SAXO1: variants seen among roughly 807,000 people sequenced by gnomAD.
SAXO1 encodes the protein 4930500O09Rik.
Under a neutral mutation model 17.5 loss-of-function variants are expected in SAXO1, and 21 were observed. The ratio of observed to expected loss-of-function variants is 1.20; its 90% CI spans 0.85 to 1.72. The LOEUF (loss-of-function observed/expected upper bound fraction) is 1.72. SAXO1 is among the 40% of genes most tolerant of loss of function. The pLI is 0.00. For missense variants in SAXO1, 843 were observed against 596.0 expected, an observed-to-expected ratio of 1.41 and a Z score of -4.32; for synonymous variants, 274 against 216.5, an observed-to-expected ratio of 1.27 and a Z score of -2.33.
intron 3 of SAXO1, among the ~76,000 whole-genome samples, chr9:18,937,040 G>A (rs944217699): frequency 1.3e-5 from 2 of 152,194 alleles, no homozygotes; most frequent in African/African-American, 2.4e-5. Flanking sequence ...GTTTCTCTTT[G>A]GGTGGTAGAG....
intron 1 of SAXO1, among the ~76,000 whole-genome samples, chr9:18,956,382 C>T (rs1270926258): frequency 6.6e-6 from 1 of 152,134 alleles, no homozygotes; most frequent in Admixed American, 6.5e-5. Flanking sequence ...GCTTTTCAAA[C>T]TTATGAACTT....
chr9:18,941,363 T>C (rs1831548412), intron 3 of SAXO1, among the ~76,000 whole-genome samples: 1 of 152,206 alleles, frequency 6.6e-6, no homozygotes, highest in South Asian at 2.1e-4. Context: ...ATGGCTGCGT[T>C]CCAATAAAAC....
chr9:18,982,146 C>G (rs1201992095), intron 1 of SAXO1, among the ~76,000 whole-genome samples: 2 of 152,198 alleles, frequency 1.3e-5, no homozygotes, highest in East Asian at 3.8e-4. Flanking sequence ...AGCCCCTCCA[C>G]CCAGCTCAGC....
chr9:19,049,157 CT>C lies in SAXO1; in HGVS notation c.-158+51del, dbSNP rs35445478. On this transcript the variant is annotated intron_variant, in intron 1 of 3. Transcript: ENST00000542071. This position sits in a 1 kb window ranked among gnomAD's most constrained non-coding sequence, Gnocchi z 5.4. ...GTTGCGGTGGTGGTGGCGGTTGGGG[CT>C]TTTTTTGGCCACGAGAGGGCAGCAT... 6.6e-6 allele frequency: 1 copy of C among 152,536 alleles called. No homozygotes were observed. The highest frequency in any genetic ancestry group is 2.0e-4 in the South Asian group (1 of 4,900). The allele number at this position is 152,536 out of a possible 1,614,324, so 9.4% of individuals were successfully genotyped here. A position where few individuals can be genotyped will look rare whatever the true frequency, so the allele number is the denominator to read the frequency against.
intron 1 of SAXO1, among the ~76,000 whole-genome samples, chr9:19,013,311 A>G (rs1018387753): frequency 6.6e-6 from 1 of 152,186 alleles, no homozygotes; most frequent in African/African-American, 2.4e-5. Context: ...AAGCCAGGCT[A>G]TAATAGCAGA....
intron 1 of SAXO1, among the ~76,000 whole-genome samples, chr9:18,989,893 C>A (rs1283330398): frequency 1.3e-5 from 2 of 152,136 alleles, no homozygotes; most frequent in Admixed American, 1.3e-4. Flanking sequence ...CAGATTGTAA[C>A]CTTTGAGGAC....
chr9:19,002,368 G>A (rs968116062), intron 1 of SAXO1, among the ~76,000 whole-genome samples: 2 of 152,216 alleles, frequency 1.3e-5, no homozygotes, highest in Non-Finnish European at 2.9e-5. Flanking sequence ...AACAGAAAAA[G>A]AGGGACTCCT....
intron 1 of SAXO1, among the ~76,000 whole-genome samples, chr9:18,991,526 T>C: frequency 6.6e-6 from 1 of 151,958 alleles, no homozygotes; most frequent in East Asian, 1.9e-4. Flanking sequence ...TGAGAACACC[T>C]AGACACAGGA....
chr9:19,036,475 G>A (rs1405214173), upstream of SAXO1, among the ~76,000 whole-genome samples: 1 of 152,040 alleles, frequency 6.6e-6, no homozygotes, highest in Non-Finnish European at 1.5e-5. Flanking sequence ...TCATGGGCCG[G>A]GACCAGGGTC....
chr9:19,033,476 G>A (rs945753154), upstream of SAXO1, among the ~76,000 whole-genome samples: 7 of 152,228 alleles, frequency 4.6e-5, no homozygotes, highest in African/African-American at 1.7e-4. Context: ...ATCACCTTGG[G>A]TGGCATTTGC....
At chr9:19,003,164 T>C (rs1388129819) in intron 1 of SAXO1, among the ~76,000 whole-genome samples, 1 of 151,982 alleles carries the variant, frequency 6.6e-6, no homozygotes, top group Non-Finnish European at 1.5e-5. Context: ...GAGAATAAAA[T>C]ACCTAGGAAT....
At chr9:19,027,833 C>A (rs1232329250) in intron 1 of SAXO1, 1 of 1,449,342 alleles carries the variant, frequency 6.9e-7, no homozygotes, top group Non-Finnish European at 9.6e-7. Flanking sequence ...AGTCACAAAC[C>A]GGGTGGACAT....
At chr9:18,936,448 G>A (rs1232116522) in intron 3 of SAXO1, among the ~76,000 whole-genome samples, 1 of 152,122 alleles carries the variant, frequency 6.6e-6, no homozygotes, top group South Asian at 2.1e-4. Context: ...TTGGGGGTGG[G>A]GAGGACAGGG....
At chr9:18,987,090 T>C (rs951828078) in intron 1 of SAXO1, among the ~76,000 whole-genome samples, 5 of 152,198 alleles carry the variant, frequency 3.3e-5, no homozygotes, top group African/African-American at 7.2e-5. Context: ...ACTCCATGAA[T>C]GTTTATTAAA....
intron 1 of SAXO1, 30 bp downstream of exon 1, chr9:19,032,841 C>A: frequency 6.2e-7 from 1 of 1,607,376 alleles, no homozygotes; most frequent in East Asian, 2.2e-5. Flanking sequence ...CCAGGCTCCC[C>A]CAGCCTTGCC....
chr9:19,008,082 C>G (rs1323750823), intron 1 of SAXO1, among the ~76,000 whole-genome samples: 1 of 152,074 alleles, frequency 6.6e-6, no homozygotes, highest in Non-Finnish European at 1.5e-5. Context: ...ATCCACTCAC[C>G]TCAGCCTCCC....
chr9:18,968,049 G>C (rs1266571649), intron 1 of SAXO1, among the ~76,000 whole-genome samples: 1 of 152,176 alleles, frequency 6.6e-6, no homozygotes, highest in Non-Finnish European at 1.5e-5. Context: ...GCCCCACCCT[G>C]CTTCTGCTCA....
intron 1 of SAXO1, among the ~76,000 whole-genome samples, chr9:18,953,704 C>T (rs1832131201): frequency 1.3e-5 from 2 of 152,136 alleles, no homozygotes; most frequent in Admixed American, 6.5e-5. Context: ...CCTCATTAAC[C>T]AGGAATCCCT....
At chr9:18,989,148 C>T (rs1833705421) in intron 1 of SAXO1, among the ~76,000 whole-genome samples, 1 of 152,188 alleles carries the variant, frequency 6.6e-6, no homozygotes, top group East Asian at 1.9e-4. Flanking sequence ...AAATATCCCA[C>T]CTCCTTTTAA....
Sources: gnomAD v4.1 joint callset for allele counts (sites outside exome capture counted in the v4.1 genomes callset) on GRCh38, gnomAD v4.1.1 for gene constraint, Gnocchi (gnomAD v3.1) non-coding constraint, MANE v1.5 for transcripts, NCBI Gene and HGNC (gene_info 2026-07-23, HGNC 2026-07-21) for gene names.